The following NSUN6 variants were observed in gnomAD, a reference collection of about 807,000 sequenced individuals.
NSUN6 encodes the protein tRNA (cytosine(72)-C(5))-methyltransferase NSUN6.
NSUN6 carries 64 observed loss-of-function variants against 58.0 expected under a neutral mutation model. The observed-to-expected ratio is 1.10, with a 90% CI of 0.90 to 1.36. NSUN6 has a LOEUF of 1.36. Among genes scored for constraint, NSUN6 ranks in the 40% most tolerant of loss-of-function variants. NSUN6 has a pLI of 0.00. For missense variants in NSUN6, 701 were observed against 550.1 expected (o/e 1.27, Z -2.74); for synonymous variants, 231 against 193.9 (o/e 1.19, Z -1.59).
At chr10:18,595,677 A>G (rs538695910) in intron 7 of NSUN6, among the ~76,000 whole-genome samples, 2 of 152,342 alleles carry the variant, frequency 1.3e-5, no homozygotes, top group South Asian at 4.1e-4. Flanking sequence ...TAAACAACAA[A>G]TATCCTTTTC....
At position 18,587,864 on chromosome 10, in the gene NSUN6, C is replaced by G. The variant is rs117612148; in HGVS notation, c.778-1771G>C. Among the ~76,000 whole-genome samples, 84 of 152,204 alleles carry G rather than the reference C, an allele frequency of 5.5e-4. No homozygotes were observed. In the East Asian group the frequency reaches 0.015, roughly 28 times the overall value. Reference sequence around the variant, plus strand: ...AACTGGGCGGCCATTTGGGCAGGCACCGAGCTAGCTGTAGTTTTTTTTTTT... The same window carrying G: ...AACTGGGCGGCCATTTGGGCAGGCAGCGAGCTAGCTGTAGTTTTTTTTTTT... On this transcript the variant is annotated intron_variant, in intron 7 of 10. Transcript: ENST00000377304.
Position 18,545,711 on chromosome 10 carries a change from A to C in NSUN6, c.*222T>G, listed in dbSNP as rs2054210302. 4.3e-6 allele frequency: 2 copies of C among 466,652 alleles called. No individual in the cohort carries two copies. Among genetic ancestry groups the C allele is most frequent in the Non-Finnish European group, 7.4e-6 (2 of 270,250 alleles). The allele number at this position is 466,652 out of a possible 1,614,324, so 28.9% of individuals were successfully genotyped here. A position where few individuals can be genotyped will look rare whatever the true frequency, so the allele number is the denominator to read the frequency against. On this transcript the variant is annotated 3_prime_UTR_variant, in exon 11 of 11. Transcript: ENST00000377304. ...TCTGCTTTTCTTTATACTCTACTAA[A>C]TACATAAAAAAAAAAAATCTTTTAA...
chr10:18,575,155 T>A (rs940957252), intron 8 of NSUN6, among the ~76,000 whole-genome samples: 1 of 152,178 alleles, frequency 6.6e-6, no homozygotes, highest in Non-Finnish European at 1.5e-5. Context: ...AAGGGACCAA[T>A]TGGGGGCCCC....
chr10:18,655,224 A>T, upstream of NSUN6: 1 of 823,506 alleles, frequency 1.2e-6, no homozygotes, highest in Non-Finnish European at 1.5e-6. Flanking sequence ...AATGGTATTA[A>T]CATATGACTG....
chr10:18,648,341 G>A (rs1288257152), intron 2 of NSUN6, 149 bp downstream of exon 2: 1 of 530,846 alleles, frequency 1.9e-6, no homozygotes, highest in Non-Finnish European at 3.3e-6. Context: ...TACCACCTAG[G>A]ATAACTTTGA....
intron 7 of NSUN6, among the ~76,000 whole-genome samples, chr10:18,594,857 A>G (rs1314892832): frequency 6.6e-6 from 1 of 152,156 alleles, no homozygotes; most frequent in Admixed American, 6.5e-5. Context: ...GGATTCAGTC[A>G]TGTGATTTGT....
Position 18,548,188 on chromosome 10 carries a change from G to A in NSUN6, c.1121C>T (p.Thr374Ile), listed in dbSNP as rs1224614100. 2 of 1,613,666 alleles carry A rather than the reference G, an allele frequency of 1.2e-6. No homozygotes were observed. Among genetic ancestry groups the A allele is most frequent in the Non-Finnish European group, 8.5e-7 (1 of 1,179,738 alleles). Residue 374 changes from threonine to isoleucine, a missense_variant, in exon 10 of 11, where the codon ACT becomes ATT. By Grantham distance (89) the Thr-to-Ile change is moderately conservative. Transcript: ENST00000377304. ...TTCTTCATTTTCGGCCAGTGTTATAGTGCACGTGCTATAAACCAGCACACC... is the reference window on the plus strand; with the variant it reads ...TTCTTCATTTTCGGCCAGTGTTATAATGCACGTGCTATAAACCAGCACACC... ...PEGVLVYSTC[T>I]ITLAENEEQV...
chr10:18,600,959 T>TATATATATATATATACACAC, intron 6 of NSUN6, among the ~76,000 whole-genome samples: 3 of 64,956 alleles, frequency 4.6e-5, no homozygotes, highest in Non-Finnish European at 9.2e-5. Context: ...TATATATATA[T>TATATATATATATATACACAC]ACATATATAT....
intron 8 of NSUN6, 42 bp from the exon 9 acceptor site, chr10:18,552,013 G>C: frequency 8.0e-7 from 1 of 1,249,112 alleles, no homozygotes; most frequent in African/African-American, 1.5e-5. Flanking sequence ...CTTCCATATA[G>C]GTTTAAACTA....
intron 6 of NSUN6, among the ~76,000 whole-genome samples, chr10:18,604,695 C>T (rs1182062594): frequency 3.3e-5 from 5 of 151,564 alleles, no homozygotes. Context: ...ACCAGCCTGG[C>T]CAACATATAG....
intron 8 of NSUN6, among the ~76,000 whole-genome samples, chr10:18,578,164 C>T (rs966146321): frequency 3.3e-5 from 5 of 151,658 alleles, no homozygotes; most frequent in African/African-American, 1.2e-4. Context: ...TCCTGAGTAA[C>T]GAGCAGCAGC....
At chr10:18,617,248 C>T (rs1003197492) in intron 3 of NSUN6, among the ~76,000 whole-genome samples, 25 of 147,046 alleles carry the variant, frequency 1.7e-4, no homozygotes, top group Non-Finnish European at 2.8e-4. Context: ...AGTGCAGTGA[C>T]GCAATCTTGG....
chr10:18,634,326 C>T (rs536821940), intron 3 of NSUN6, among the ~76,000 whole-genome samples: 2 of 152,140 alleles, frequency 1.3e-5, no homozygotes, highest in African/African-American at 4.8e-5. Flanking sequence ...ATAAGTAATA[C>T]ATCCCTATGA....
At chr10:18,604,051 G>A (rs527736794) in intron 6 of NSUN6, among the ~76,000 whole-genome samples, 13 of 152,158 alleles carry the variant, frequency 8.5e-5, no homozygotes, top group South Asian at 2.1e-4. Context: ...GCATAGTGGC[G>A]GGGGCCTGCA....
At chr10:18,596,374 T>C in intron 6 of NSUN6, 47 bp from the exon 7 acceptor site, 1 of 1,364,032 alleles carries the variant, frequency 7.3e-7, no homozygotes, top group Non-Finnish European at 1.0e-6. Context: ...CTAAAGCATT[T>C]TTAATTTGAG....
chr10:18,600,949 TATATATATATAC>T (rs2057793711), intron 6 of NSUN6, among the ~76,000 whole-genome samples: 1 of 91,600 alleles, frequency 1.1e-5, no homozygotes, highest in African/African-American at 4.4e-5. Context: ...AAAATATATA[TATATATATATAC>T]ATATATATAT....
intron 8 of NSUN6, among the ~76,000 whole-genome samples, chr10:18,577,893 G>T (rs2056731136): frequency 6.6e-6 from 1 of 152,098 alleles, no homozygotes; most frequent in African/African-American, 2.4e-5. Context: ...AGCCTGTGTG[G>T]TCTAACCCTA....
chr10:18,564,319 G>A (rs556240599), intron 8 of NSUN6, among the ~76,000 whole-genome samples: 9 of 138,678 alleles, frequency 6.5e-5, no homozygotes, highest in African/African-American at 8.1e-5. Context: ...ACTCCTTTCC[G>A]CATTCCTTTC....
chr10:18,612,233 C>T (rs987973222), intron 5 of NSUN6, among the ~76,000 whole-genome samples: 2 of 152,002 alleles, frequency 1.3e-5, no homozygotes, highest in African/African-American at 2.4e-5. Context: ...GACTGGGCAA[C>T]ATGGCAAGAC....
Sources: allele counts gnomAD v4.1 joint callset (sites outside exome capture counted in the v4.1 genomes callset), GRCh38; gene constraint gnomAD v4.1.1; transcripts MANE v1.5; gene names NCBI Gene and HGNC (gene_info 2026-07-23, HGNC 2026-07-21).